The following MYOZ2 variants were observed in gnomAD, a reference collection of about 807,000 sequenced individuals.
MYOZ2 encodes myozenin 2, also known as myozenin-2.
In MYOZ2, 19 loss-of-function variants were observed where a neutral mutation model predicts 25.4. The observed-to-expected ratio is 0.75, with a 90% CI of 0.52 to 1.10. The LOEUF (loss-of-function observed/expected upper bound fraction) is 1.10. MYOZ2 is among the 50% of genes least tolerant of loss of function. The probability of loss-of-function intolerance (pLI) is 0.00; values close to 1 mark genes in which losing one functional copy is unlikely to be tolerated. For missense variants in MYOZ2, 270 were observed against 317.9 expected (o/e 0.85, Z 1.15); for synonymous variants, 92 against 106.9 (o/e 0.86, Z 0.86).
intron 5 of MYOZ2, among the ~76,000 whole-genome samples, chr4:119,169,733 C>A: frequency 6.6e-6 from 1 of 152,142 alleles, no homozygotes; most frequent in African/African-American, 2.4e-5. Context: ...GAGGAGGGGT[C>A]TTGGTAAATA....
chr4:119,179,282 T>G (rs1205344208), intron 5 of MYOZ2, among the ~76,000 whole-genome samples: 1 of 152,228 alleles, frequency 6.6e-6, no homozygotes, highest in African/African-American at 2.4e-5. Flanking sequence ...CTTGAGGCCT[T>G]TGCCCTTGTT....
chr4:119,178,456 C>T (rs774408990), intron 5 of MYOZ2, among the ~76,000 whole-genome samples: 1 of 152,170 alleles, frequency 6.6e-6, no homozygotes, highest in Non-Finnish European at 1.5e-5. Context: ...TGATCTCTAG[C>T]TCCAAATGGG....
intron 5 of MYOZ2, among the ~76,000 whole-genome samples, chr4:119,167,075 T>G (rs1385540304): frequency 6.6e-6 from 1 of 152,096 alleles, no homozygotes; most frequent in African/African-American, 2.4e-5. Context: ...AATCAAAAGC[T>G]AGAAATGATT....
rs75065162 is a variant in MYOZ2, at chr4:119,184,883, C to T, written c.561-1083C>T. 4.0e-3 allele frequency among the ~76,000 whole-genome samples: 607 copies of T among 152,290 alleles called. 4 individuals are homozygous for T. Among genetic ancestry groups the T allele is most frequent in the African/African-American group, 0.014 (590 of 41,554 alleles). On this transcript the variant is annotated intron_variant, in intron 5 of 5. Transcript: ENST00000307128. The stretch of plus-strand genomic sequence containing the variant: ...ACAGATAACCCAAACAGATAATCCA[C>T]ATTCTTAAAAGGAGAAGCTCAATAC...
At chr4:119,181,531 A>G (rs1742184523) in intron 5 of MYOZ2, among the ~76,000 whole-genome samples, 1 of 152,206 alleles carries the variant, frequency 6.6e-6, no homozygotes, top group African/African-American at 2.4e-5. Context: ...AAGTTCTTTG[A>G]GAGTAAAAAC....
At chr4:119,174,884 G>GCC (rs1742027154) in intron 5 of MYOZ2, among the ~76,000 whole-genome samples, 1 of 152,048 alleles carries the variant, frequency 6.6e-6, no homozygotes, top group African/African-American at 2.4e-5. Context: ...CACTCCTGAA[G>GCC]CAGTGAGACC....
At chr4:119,166,734 C>T (rs991852010) in intron 5 of MYOZ2, among the ~76,000 whole-genome samples, 1 of 152,168 alleles carries the variant, frequency 6.6e-6, no homozygotes, top group African/African-American at 2.4e-5. Context: ...ATTTTTCCAA[C>T]ATCATGTGCT....
chr4:119,154,937 A>T (rs1339493268), intron 3 of MYOZ2, among the ~76,000 whole-genome samples: 13 of 151,722 alleles, frequency 8.6e-5, no homozygotes, highest in Non-Finnish European at 1.6e-4. Flanking sequence ...AATAGCTGAG[A>T]CCAGGTACTT....
At chr4:119,185,520 G>T (rs998174135) in intron 5 of MYOZ2, among the ~76,000 whole-genome samples, 2 of 152,080 alleles carry the variant, frequency 1.3e-5, no homozygotes, top group African/African-American at 4.8e-5. Flanking sequence ...TTGCCATGTT[G>T]GCCAGGCTGA....
intron 2 of MYOZ2, among the ~76,000 whole-genome samples, chr4:119,138,229 T>C (rs1028314989): frequency 6.6e-6 from 1 of 152,172 alleles, no homozygotes; most frequent in Non-Finnish European, 1.5e-5. Flanking sequence ...CCCATGTCAC[T>C]GGATGAGTAC....
At chr4:119,167,041 A>G (rs984577827) in intron 5 of MYOZ2, among the ~76,000 whole-genome samples, 14 of 152,196 alleles carry the variant, frequency 9.2e-5, no homozygotes, top group African/African-American at 3.4e-4. Flanking sequence ...AAGTGAAAGG[A>G]AGAGTCACAA....
chr4:119,156,737 T>G (rs906517013), intron 3 of MYOZ2, among the ~76,000 whole-genome samples: 2 of 152,180 alleles, frequency 1.3e-5, no homozygotes, highest in African/African-American at 4.8e-5. Context: ...AGATTTTATT[T>G]TATCATTGTC....
At chr4:119,137,196 G>A (rs1451831764) in intron 2 of MYOZ2, among the ~76,000 whole-genome samples, 1 of 151,896 alleles carries the variant, frequency 6.6e-6, no homozygotes, top group Non-Finnish European at 1.5e-5. Context: ...TAGTCTCAAA[G>A]CATATGACTC....
At chr4:119,170,639 G>C (rs147249163) in intron 5 of MYOZ2, among the ~76,000 whole-genome samples, 1 of 152,256 alleles carries the variant, frequency 6.6e-6, no homozygotes, top group African/African-American at 2.4e-5. Flanking sequence ...AAGCTGCAAC[G>C]TGGAGAAAAT....
intron 2 of MYOZ2, among the ~76,000 whole-genome samples, chr4:119,144,128 T>G (rs1397111229): frequency 6.6e-6 from 1 of 152,164 alleles, no homozygotes; most frequent in Non-Finnish European, 1.5e-5. Context: ...AGGCCCCATC[T>G]CTCCTTAAAC....
chr4:119,153,696 T>A (rs758726154), intron 3 of MYOZ2, among the ~76,000 whole-genome samples: 1 of 152,114 alleles, frequency 6.6e-6, no homozygotes, highest in Non-Finnish European at 1.5e-5. Context: ...CCCTGGTAAT[T>A]AATGCCATTT....
intron 2 of MYOZ2, among the ~76,000 whole-genome samples, chr4:119,147,747 A>G (rs1741336241): frequency 7.1e-6 from 1 of 140,232 alleles, no homozygotes; most frequent in Non-Finnish European, 1.6e-5. Context: ...CTGTCTCAAA[A>G]AAAAAAAAAA....
At chr4:119,139,524 G>A (rs890523726) in intron 2 of MYOZ2, among the ~76,000 whole-genome samples, 1 of 152,098 alleles carries the variant, frequency 6.6e-6, no homozygotes, top group African/African-American at 2.4e-5. Flanking sequence ...CTCTTGTTCA[G>A]TATCTCATGT....
At chr4:119,181,172 T>C (rs1347745646) in intron 5 of MYOZ2, among the ~76,000 whole-genome samples, 13 of 152,192 alleles carry the variant, frequency 8.5e-5, no homozygotes, top group Admixed American at 6.5e-4. Context: ...CCTCCCTGTA[T>C]GGCTCATTAT....
Sources: allele counts gnomAD v4.1 joint callset (sites outside exome capture counted in the v4.1 genomes callset), GRCh38; gene constraint gnomAD v4.1.1; transcripts MANE v1.5; gene names NCBI Gene and HGNC (gene_info 2026-07-23, HGNC 2026-07-21).